Variants in WDPCP observed in about 807,000 individuals in gnomAD.
WDPCP encodes the protein WD repeat-containing and planar cell polarity effector protein fritz homolog.
A neutral mutation model predicts 93.1 loss-of-function variants in WDPCP; 71 were observed. That is an observed-to-expected ratio of 0.76 (90% CI 0.63 to 0.93). WDPCP has a LOEUF of 0.93. Ranked by LOEUF, WDPCP falls within the 40% of genes least tolerant of loss-of-function variation. The probability of loss-of-function intolerance (pLI) is 0.00; values close to 1 mark genes in which losing one functional copy is unlikely to be tolerated. For synonymous variants in WDPCP, 315 were observed against 315.0 expected (o/e 1.00, Z 0.00); for missense variants, 844 against 887.4 (o/e 0.95, Z 0.62).
intron 6 of WDPCP, among the ~76,000 whole-genome samples, chr2:63,462,540 G>T (rs1179859686): frequency 6.6e-6 from 1 of 152,028 alleles, no homozygotes; most frequent in Non-Finnish European, 1.5e-5. Context: ...AAATCATTCT[G>T]ACTACTATGT....
intron 16 of WDPCP, chr2:63,153,160 C>G: frequency 1.7e-6 from 1 of 594,240 alleles, no homozygotes; most frequent in Non-Finnish European, 3.0e-6. Flanking sequence ...ACAGTATTTA[C>G]TATGTACAGT....
chr2:63,491,606 T>G (rs1240195961), intron 2 of WDPCP, among the ~76,000 whole-genome samples: 2 of 152,178 alleles, frequency 1.3e-5, no homozygotes, highest in Non-Finnish European at 2.9e-5. Flanking sequence ...GTAGGCTTCC[T>G]TCCATTTCGT....
chr2:63,643,386 G>T (rs1710006454), intron 3 of WDPCP: 1 of 354,766 alleles, frequency 2.8e-6, no homozygotes, highest in South Asian at 2.5e-5. Context: ...TAACAAAAAT[G>T]TTGGAAAGGT....
At chr2:63,267,604 C>T (rs1682249265) in intron 13 of WDPCP, among the ~76,000 whole-genome samples, 1 of 151,976 alleles carries the variant, frequency 6.6e-6, no homozygotes, top group Non-Finnish European at 1.5e-5. Context: ...GGCCAATATC[C>T]AAAATATATA....
At chr2:63,458,322 C>A (rs980842890) in intron 6 of WDPCP, among the ~76,000 whole-genome samples, 2 of 150,742 alleles carry the variant, frequency 1.3e-5, no homozygotes, top group Middle Eastern at 3.2e-3. Context: ...TCTAGAAAAA[C>A]CAAAAGACTC....
At chr2:63,466,746 T>G (rs1315423765) in intron 6 of WDPCP, among the ~76,000 whole-genome samples, 1 of 152,214 alleles carries the variant, frequency 6.6e-6, no homozygotes, top group Non-Finnish European at 1.5e-5. Flanking sequence ...TATTCAGATT[T>G]GAACTCATTT....
chr2:63,452,628 T>C (rs1314212623), intron 6 of WDPCP, among the ~76,000 whole-genome samples: 2 of 152,204 alleles, frequency 1.3e-5, no homozygotes, highest in Admixed American at 6.5e-5. Context: ...ACAGCCTGCA[T>C]TGCCAAGTCA....
At chr2:63,827,346 CA>C (rs1177313962) in intron 1 of WDPCP, among the ~76,000 whole-genome samples, 1 of 152,056 alleles carries the variant, frequency 6.6e-6, no homozygotes, top group Non-Finnish European at 1.5e-5. Context: ...TTAGAATTCT[CA>C]AAAGATGTAA....
At chr2:63,482,000 T>C (rs1044714345) in intron 6 of WDPCP, among the ~76,000 whole-genome samples, 1 of 151,816 alleles carries the variant, frequency 6.6e-6, no homozygotes, top group African/African-American at 2.4e-5. Context: ...AGAAAATAAT[T>C]CTGAATTTAC....
chr2:63,393,443 G>C (rs944463910), intron 10 of WDPCP, among the ~76,000 whole-genome samples: 1 of 151,778 alleles, frequency 6.6e-6, no homozygotes, highest in African/African-American at 2.4e-5. Context: ...TAAATGACTA[G>C]TTGATCAGTA....
chr2:63,362,157 A>T (rs541389996), intron 12 of WDPCP, among the ~76,000 whole-genome samples: 1 of 152,188 alleles, frequency 6.6e-6, no homozygotes, highest in East Asian at 1.9e-4. Flanking sequence ...CTATTGAATA[A>T]CAGAACTTAT....
Position 63,430,911 on chromosome 2 carries a change from C to G in WDPCP, c.825+2834G>C, listed in dbSNP as rs189064182. Among the ~76,000 whole-genome samples the G allele has an allele frequency of 2.6e-3, 392 of 152,238 alleles. 1 individual carries two copies. The highest frequency in any genetic ancestry group is 2.9e-3 in the Non-Finnish European group (195 of 68,010). ...TATGTGTGGACTGTTGTTTAGAGTT[C>G]TGTGGTGTGAAATTAGACCAGCAGT... is the stretch of plus-strand genomic sequence containing the variant. On this transcript the variant is annotated intron_variant, in intron 9 of 17. Coordinates refer to ENST00000272321, the MANE Select transcript of WDPCP (RefSeq NM_015910.7).
At chr2:63,338,670 T>A (rs1374695503) in intron 12 of WDPCP, among the ~76,000 whole-genome samples, 1 of 147,122 alleles carries the variant, frequency 6.8e-6, no homozygotes, top group Admixed American at 6.9e-5. Flanking sequence ...GGTGTCTGTA[T>A]CGCAAATGAC....
At chr2:63,722,644 T>C (rs1328596777) in intron 2 of WDPCP, among the ~76,000 whole-genome samples, 1 of 74,378 alleles carries the variant, frequency 1.3e-5, no homozygotes, top group African/African-American at 6.3e-5. Flanking sequence ...AGCCGCCCCG[T>C]CCGGGAGGGA....
At chr2:63,365,400 C>G (rs1479488852) in intron 12 of WDPCP, among the ~76,000 whole-genome samples, 1 of 152,114 alleles carries the variant, frequency 6.6e-6, no homozygotes, top group African/African-American at 2.4e-5. Flanking sequence ...TAAGAACTTT[C>G]AAATATTTCA....
At chr2:63,807,968 C>A (rs1486910629) in intron 2 of WDPCP, among the ~76,000 whole-genome samples, 1 of 152,162 alleles carries the variant, frequency 6.6e-6, no homozygotes, top group African/African-American at 2.4e-5. Flanking sequence ...ATCAAACCAA[C>A]AAAGGCAATA....
chr2:63,526,055 C>CTG (rs34946446), intron 1 of WDPCP, among the ~76,000 whole-genome samples: 41,822 of 148,722 alleles, frequency 0.28, 6,385 homozygotes, highest in East Asian at 0.7. Context: ...GCTGTTGCTA[C>CTG]TGTGTGTGTG....
At chr2:63,688,243 G>A (rs991327908) in intron 2 of WDPCP, among the ~76,000 whole-genome samples, 90 of 152,154 alleles carry the variant, frequency 5.9e-4, no homozygotes, top group Non-Finnish European at 9.1e-4. Context: ...TGGCTAACAC[G>A]GTGAAACCCC....
intron 1 of WDPCP, among the ~76,000 whole-genome samples, chr2:63,542,508 T>C (rs974675970): frequency 6.6e-6 from 1 of 152,218 alleles, no homozygotes; most frequent in Non-Finnish European, 1.5e-5. Flanking sequence ...ATTGCGATAA[T>C]GGTTATATCT....
Sources: allele counts gnomAD v4.1 joint callset (sites outside exome capture counted in the v4.1 genomes callset), GRCh38; gene constraint gnomAD v4.1.1; transcripts MANE v1.5; gene names NCBI Gene and HGNC (gene_info 2026-07-23, HGNC 2026-07-21).